The following ATRNL1 variants were observed in gnomAD, a reference collection of about 807,000 sequenced individuals.
The protein encoded by ATRNL1 is attractin like 1.
A neutral mutation model predicts 182.7 loss-of-function variants in ATRNL1; 95 were observed. The observed-to-expected ratio is 0.52, with a 90% confidence interval of 0.44 to 0.62. The LOEUF is 0.62. Ranked by LOEUF, ATRNL1 falls within the 20% of genes least tolerant of loss-of-function variation. ATRNL1 has a pLI of 0.00. For missense variants in ATRNL1, 1,471 were observed against 1,679.5 expected (o/e 0.88, Z 2.17); for synonymous variants, 576 against 568.3 (o/e 1.01, Z -0.19).
At chr10:115,640,438 G>A (rs1859165009) in intron 26 of ATRNL1, among the ~76,000 whole-genome samples, 1 of 152,150 alleles carries the variant, frequency 6.6e-6, no homozygotes, top group African/African-American at 2.4e-5. Flanking sequence ...GCCAGCCTCT[G>A]TTGTTTCCTG....
intron 27 of ATRNL1, among the ~76,000 whole-genome samples, chr10:115,797,138 C>A (rs937632422): frequency 5.9e-5 from 9 of 152,074 alleles, no homozygotes; most frequent in Non-Finnish European, 8.8e-5. Context: ...ATGGCAGGAA[C>A]AAGCTTTTAT....
chr10:115,319,023 G>A (rs1272873485), intron 18 of ATRNL1, among the ~76,000 whole-genome samples: 2 of 152,084 alleles, frequency 1.3e-5, no homozygotes, highest in Non-Finnish European at 2.9e-5. Context: ...TCTCATGTGG[G>A]CATTTAGTGC....
intron 19 of ATRNL1, among the ~76,000 whole-genome samples, chr10:115,380,436 G>A (rs1284730739): frequency 2.0e-5 from 3 of 152,006 alleles, no homozygotes; most frequent in African/African-American, 7.2e-5. Flanking sequence ...ACCGGGTCAT[G>A]CAAACATAAT....
chr10:115,238,650 T>C (rs1358520822), intron 9 of ATRNL1, among the ~76,000 whole-genome samples: 6 of 152,150 alleles, frequency 3.9e-5, no homozygotes, highest in African/African-American at 1.4e-4. Context: ...TTGTTGTTGA[T>C]TCTTTGGGAT....
Position 115,522,600 on chromosome 10 carries a change from T to G in ATRNL1, c.3716+3276T>G, listed in dbSNP as rs186636486. Among the ~76,000 whole-genome samples the G allele has an allele frequency of 2.2e-3, 331 of 152,260 alleles. 3 individuals are homozygous for G. Among genetic ancestry groups the G allele is most frequent in the Middle Eastern group, 6.8e-3 (2 of 294 alleles). On this transcript the variant is annotated intron_variant, in intron 25 of 28. Coordinates refer to ENST00000355044, the MANE Select transcript of ATRNL1 (RefSeq NM_207303.4). ...TCCCTGGCCCCTCAAATCCCTGGTG[T>G]TCTTCTCACATACAAAATATAATCA...
intron 19 of ATRNL1, among the ~76,000 whole-genome samples, chr10:115,369,957 C>G (rs1554947521): frequency 6.6e-6 from 1 of 152,110 alleles, no homozygotes; most frequent in Non-Finnish European, 1.5e-5. Flanking sequence ...GCTGTAATTG[C>G]CAGGTGTTGT....
At chr10:115,385,843 T>C (rs655292) in intron 19 of ATRNL1, among the ~76,000 whole-genome samples, 57,908 of 152,006 alleles carry the variant, frequency 0.38, 12,210 homozygotes, top group African/African-American at 0.57. Context: ...ATTACTTTAG[T>C]ACATTTGTTG....
At chr10:115,522,418 T>G (rs1319146852) in intron 25 of ATRNL1, among the ~76,000 whole-genome samples, 1 of 151,834 alleles carries the variant, frequency 6.6e-6, no homozygotes, top group Non-Finnish European at 1.5e-5. Flanking sequence ...ACTAATAGAG[T>G]GAGAACTCAT....
chr10:115,335,163 C>T (rs1347358508), intron 19 of ATRNL1, among the ~76,000 whole-genome samples: 1 of 152,096 alleles, frequency 6.6e-6, no homozygotes, highest in Non-Finnish European at 1.5e-5. Flanking sequence ...AATATTTGTT[C>T]TTTAAATATA....
intron 8 of ATRNL1, among the ~76,000 whole-genome samples, chr10:115,209,831 G>A (rs782187829): frequency 1.3e-5 from 2 of 151,954 alleles, no homozygotes; most frequent in Non-Finnish European, 2.9e-5. Context: ...AGAATATAAT[G>A]AGAATGTGAC....
chr10:115,701,148 A>G (rs1402886857), intron 26 of ATRNL1, among the ~76,000 whole-genome samples: 1 of 152,096 alleles, frequency 6.6e-6, no homozygotes, highest in African/African-American at 2.4e-5. Flanking sequence ...CAATACCAAT[A>G]AGATCTCTCA....
intron 8 of ATRNL1, among the ~76,000 whole-genome samples, chr10:115,207,511 G>A (rs1444644217): frequency 6.6e-6 from 1 of 151,578 alleles, no homozygotes; most frequent in African/African-American, 2.4e-5. Context: ...AAGGAATTTT[G>A]TTGTCATCTC....
chr10:115,347,286 TCC>T (rs1452348124), intron 19 of ATRNL1, among the ~76,000 whole-genome samples: 7 of 152,160 alleles, frequency 4.6e-5, no homozygotes, highest in Admixed American at 1.3e-4. Flanking sequence ...TTTAAGAGTT[TCC>T]GTGTTTCTTA....
intron 27 of ATRNL1, among the ~76,000 whole-genome samples, chr10:115,736,701 T>C (rs1231922584): frequency 1.3e-5 from 2 of 152,186 alleles, no homozygotes; most frequent in African/African-American, 4.8e-5. Context: ...CCTCTCTTTA[T>C]TCTGTAGTCA....
chr10:115,605,905 T>A (rs1856847697), intron 26 of ATRNL1, among the ~76,000 whole-genome samples: 2 of 151,986 alleles, frequency 1.3e-5, no homozygotes, highest in Non-Finnish European at 2.9e-5. Context: ...CAGACTGAGT[T>A]ACTATATAAC....
chr10:115,614,980 C>T lies in ATRNL1; in HGVS notation c.3795+65444C>T, dbSNP rs529491878. 1.8e-4 allele frequency among the ~76,000 whole-genome samples: 27 copies of T among 151,802 alleles called. 1 individual carries two copies. In the South Asian group the frequency reaches 5.6e-3, roughly 32 times the overall value. ...TCTTGTTTTTTTTTAATCAATTCAG[C>T]AGTTCTGTATTTTTTCATATGGGAA... On this transcript the variant is annotated intron_variant, in intron 26 of 28. Transcript: ENST00000355044.
intron 27 of ATRNL1, among the ~76,000 whole-genome samples, chr10:115,770,273 T>C (rs1948956504): frequency 6.6e-6 from 1 of 152,148 alleles, no homozygotes; most frequent in Non-Finnish European, 1.5e-5. Context: ...TTCTATTTTG[T>C]GCATTCAGCT....
intron 1 of ATRNL1, among the ~76,000 whole-genome samples, chr10:115,114,401 T>C (rs1039346477): frequency 6.6e-6 from 1 of 152,164 alleles, no homozygotes; most frequent in Non-Finnish European, 1.5e-5. Flanking sequence ...ACAAATGGTA[T>C]TGAATCAAGA....
chr10:115,248,045 CAG>C (rs1850719785), intron 10 of ATRNL1, among the ~76,000 whole-genome samples: 4 of 152,150 alleles, frequency 2.6e-5, no homozygotes, highest in South Asian at 4.2e-4. Flanking sequence ...GTAGGTTACA[CAG>C]AGAGATTTGT....
Sources: allele counts gnomAD v4.1 joint callset (sites outside exome capture counted in the v4.1 genomes callset), GRCh38; gene constraint gnomAD v4.1.1; transcripts MANE v1.5; gene names NCBI Gene and HGNC (gene_info 2026-07-23, HGNC 2026-07-21).